Variants in TG observed in about 807,000 individuals in gnomAD.
The protein encoded by TG is thyroid hormones.
In TG, 270 loss-of-function variants were observed where a neutral mutation model predicts 324.7. That is an observed-to-expected ratio of 0.83 (90% confidence interval 0.75 to 0.92). The LOEUF is 0.92. Ranked by LOEUF, TG falls within the 40% of genes least tolerant of loss-of-function variation. The pLI, the probability that TG is intolerant of heterozygous loss-of-function variation, is 0.00. For missense variants in TG, 3,591 were observed against 3,456.4 expected, an observed-to-expected ratio of 1.04 and a Z score of -0.98; for synonymous variants, 1,401 against 1,327.0, an observed-to-expected ratio of 1.06 and a Z score of -1.21.
intron 30 of TG, among the ~76,000 whole-genome samples, chr8:132,967,516 A>G (rs530533837): frequency 2.6e-5 from 4 of 152,156 alleles, no homozygotes; most frequent in East Asian, 1.9e-4. Context: ...ATCCAATGCA[A>G]TGTTACTCTT....
At chr8:133,132,048 T>C (rs912096589) in intron 46 of TG, 102 bp downstream of exon 46, 17 of 1,544,742 alleles carry the variant, frequency 1.1e-5, no homozygotes, top group Non-Finnish European at 1.4e-5. Flanking sequence ...GACTCATCCT[T>C]TCCTCCGTAG....
intron 6 of TG, 66 bp from the exon 7 acceptor site, chr8:132,882,403 C>T: frequency 6.3e-7 from 1 of 1,584,716 alleles, no homozygotes; most frequent in Non-Finnish European, 8.7e-7. Context: ...TATCTGTTTG[C>T]ACAACAAGGT....
At chr8:133,065,995 G>C (rs559843809) in intron 41 of TG, among the ~76,000 whole-genome samples, 4 of 152,164 alleles carry the variant, frequency 2.6e-5, no homozygotes, top group Admixed American at 2.6e-4. Context: ...GAGGCCAGTT[G>C]AGGCATGCTG....
At chr8:132,979,943 G>A (rs1193563200) in intron 34 of TG, among the ~76,000 whole-genome samples, 1 of 152,130 alleles carries the variant, frequency 6.6e-6, no homozygotes, top group Non-Finnish European at 1.5e-5. Flanking sequence ...TAAATTGGGG[G>A]TCTCCATGAC....
chr8:132,900,478 C>G, intron 15 of TG, 139 bp downstream of exon 15: 1 of 771,782 alleles, frequency 1.3e-6, no homozygotes, highest in Non-Finnish European at 2.2e-6. Context: ...CACTATGCCT[C>G]AGTTTTCTCA....
intron 43 of TG, among the ~76,000 whole-genome samples, chr8:133,104,397 A>AG (rs1849611613): frequency 6.6e-6 from 1 of 152,226 alleles, no homozygotes; most frequent in Non-Finnish European, 1.5e-5. Flanking sequence ...TGACCCAGGA[A>AG]GTAGAGATCA....
chr8:133,082,650 C>A (rs1388046284), intron 41 of TG, among the ~76,000 whole-genome samples: 1 of 152,168 alleles, frequency 6.6e-6, no homozygotes, highest in Non-Finnish European at 1.5e-5. Context: ...ACACTCTGCC[C>A]TGGTATTTTC....
intron 41 of TG, among the ~76,000 whole-genome samples, chr8:133,057,774 C>CAAAAAAA (rs5895173): frequency 7.0e-6 from 1 of 142,042 alleles, no homozygotes. Flanking sequence ...AAACAAAAAA[C>CAAAAAAA]AAAAAAAAAA....
Position 132,881,881 on chromosome 8 carries a change from G to T in TG, c.657G>T (p.Val219=). Residue 219 remains valine (V), a synonymous_variant, in exon 6 of 48, where the codon GTG becomes GTT. Coordinates refer to ENST00000220616, the MANE Select transcript of TG (RefSeq NM_003235.5). ...HSYNRFPDAF[V]TFSSFQRRFP... ...CTCCAAGGTTTCCAGATGCATTTGT[G>T]ACCTTCAGTTCCTTCCAGAGGAGGT... is the stretch of plus-strand genomic sequence containing the variant. The T allele has an allele frequency of 6.2e-7, 1 of 1,613,564 alleles. No homozygotes were observed. The highest frequency in any genetic ancestry group is 1.1e-5 in the South Asian group (1 of 91,072).
intron 20 of TG, among the ~76,000 whole-genome samples, chr8:132,916,940 G>A (rs1820370373): frequency 6.6e-6 from 1 of 151,516 alleles, no homozygotes; most frequent in Non-Finnish European, 1.5e-5. Context: ...ATGCCTGCCT[G>A]CTTACCTACT....
chr8:133,051,679 G>A (rs1433108505), intron 41 of TG, among the ~76,000 whole-genome samples: 3 of 152,150 alleles, frequency 2.0e-5, no homozygotes, highest in African/African-American at 7.2e-5. Context: ...GAGAGACAGT[G>A]ATTTTGCTTT....
Position 132,983,604 on chromosome 8 carries a change from T to C in TG, c.6262+192T>C, listed in dbSNP as rs10095925. On this transcript the variant is annotated intron_variant, in intron 35 of 47. Transcript: ENST00000220616. ...CATGCCCACTTTGCAGATGAGAAAA[T>C]TGACTCACGGGAATGAAATGATTTG... 344,963 of 642,128 alleles carry C rather than the reference T, an allele frequency of 0.54. 97,310 individuals are homozygous for C. The highest frequency in any genetic ancestry group is 0.73 in the African/African-American group (40,233 of 55,028). The allele number at this position is 642,128 out of a possible 1,614,324, so 39.8% of individuals were successfully genotyped here. A position where few individuals can be genotyped will look rare whatever the true frequency, so the allele number is the denominator to read the frequency against.
In TG at chr8:132,887,039, T is replaced by G. The variant is rs138049823; in HGVS notation, c.1667T>G (p.Ile556Ser). The G allele has an allele frequency of 6.2e-7, 1 of 1,614,188 alleles. No homozygotes were observed. Among genetic ancestry groups the G allele is most frequent in the African/African-American group, 1.3e-5 (1 of 75,036 alleles). The change falls in exon 9 of 48, where the codon ATT becomes AGT. Residue 556 changes from isoleucine (I) to serine (S), a missense_variant. Coordinates refer to ENST00000220616, the MANE Select transcript of TG (RefSeq NM_003235.5). ...KPTVGSFGFE[I>S]NLQENQNALK... ...ACTGTGGGCAGCTTTGGCTTTGAAATTAACCTACAAGAGAACCAAAATGCC... is the reference window on the plus strand; with the variant it reads ...ACTGTGGGCAGCTTTGGCTTTGAAAGTAACCTACAAGAGAACCAAAATGCC...
At chr8:133,040,037 G>A (rs1460194008) in intron 41 of TG, 2 of 1,552,120 alleles carry the variant, frequency 1.3e-6, no homozygotes, top group African/African-American at 2.7e-5. Context: ...CTGACGCAAG[G>A]TGACAGGTGA....
At chr8:132,957,557 G>T (rs540097063) in intron 27 of TG, among the ~76,000 whole-genome samples, 3 of 152,192 alleles carry the variant, frequency 2.0e-5, no homozygotes, top group Admixed American at 1.3e-4. Context: ...GTCTCAGAGA[G>T]AGTGAAATAC....
chr8:132,947,781 A>C (rs1825533640), intron 26 of TG, among the ~76,000 whole-genome samples: 8 of 152,210 alleles, frequency 5.3e-5, no homozygotes. Flanking sequence ...TCATCAGTAA[A>C]ATGGAGATAA....
intron 35 of TG, among the ~76,000 whole-genome samples, chr8:132,992,325 C>T (rs1410558651): frequency 6.6e-6 from 1 of 152,146 alleles, no homozygotes; most frequent in African/African-American, 2.4e-5. Context: ...GAGTCAGTGC[C>T]TGCTCACCTG....
chr8:133,052,261 A>G (rs565536601), intron 41 of TG, among the ~76,000 whole-genome samples: 1 of 152,378 alleles, frequency 6.6e-6, no homozygotes, highest in Non-Finnish European at 1.5e-5. Flanking sequence ...GGTTATGCTT[A>G]TCGATTGATA....
intron 27 of TG, among the ~76,000 whole-genome samples, chr8:132,953,101 G>A (rs1851572): frequency 0.49 from 74,859 of 152,112 alleles, 20,717 homozygotes; most frequent in Non-Finnish European, 0.61. Flanking sequence ...GGGTATTAAT[G>A]CCTGCTAATG....
Sources: allele counts gnomAD v4.1 joint callset (sites outside exome capture counted in the v4.1 genomes callset), GRCh38; gene constraint gnomAD v4.1.1; transcripts MANE v1.5; gene names NCBI Gene and HGNC (gene_info 2026-07-23, HGNC 2026-07-21).